MACROD2: variants seen among roughly 807,000 people sequenced by gnomAD.
MACROD2 encodes mono-ADP ribosylhydrolase 2.
MACROD2 carries 36 observed loss-of-function variants against 70.4 expected under a neutral mutation model. The ratio of observed to expected loss-of-function variants is 0.51; its 90% confidence interval spans 0.39 to 0.68. The LOEUF (loss-of-function observed/expected upper bound fraction) is 0.68, where lower values mean the gene tolerates loss of function less well. Ranked by LOEUF, MACROD2 falls within the 30% of genes least tolerant of loss-of-function variation. The pLI is 0.00. For missense variants in MACROD2, 496 were observed against 538.4 expected (o/e 0.92, Z 0.78); for synonymous variants, 172 against 178.8 (o/e 0.96, Z 0.30).
intron 5 of MACROD2, among the ~76,000 whole-genome samples, chr20:15,122,824 A>G (rs909530665): frequency 6.6e-6 from 1 of 152,172 alleles, no homozygotes; most frequent in Non-Finnish European, 1.5e-5. Context: ...TCTGAACTGC[A>G]AAGACACACT....
intron 4 of MACROD2, among the ~76,000 whole-genome samples, chr20:14,650,037 G>A (rs777488853): frequency 1.3e-4 from 20 of 152,164 alleles, no homozygotes; most frequent in Non-Finnish European, 2.5e-4. Context: ...TATTCAGAAT[G>A]GGAGCAGGAG....
chr20:14,118,382 G>T (rs746790797), intron 3 of MACROD2, among the ~76,000 whole-genome samples: 25 of 152,168 alleles, frequency 1.6e-4, no homozygotes, highest in Non-Finnish European at 2.6e-4. Context: ...TCTGCCACTG[G>T]CATTCTTTTG....
intron 4 of MACROD2, among the ~76,000 whole-genome samples, chr20:14,501,206 G>A (rs1239070280): frequency 1.3e-5 from 2 of 151,846 alleles, no homozygotes; most frequent in African/African-American, 2.4e-5. Flanking sequence ...CTTTAAATGG[G>A]CAATAAAGAG....
At chr20:14,639,394 T>TA (rs1397524973) in intron 4 of MACROD2, among the ~76,000 whole-genome samples, 2 of 40,340 alleles carry the variant, frequency 5.0e-5, no homozygotes, top group African/African-American at 6.8e-4. Context: ...TGTTTTGAAA[T>TA]GTTATTATTA....
rs8118172 is a variant in MACROD2 at position 14,849,830 on chromosome 20, C to A, written c.418+164871C>A. ...AACTCTCACATCTAAAGAGCAAGAG[C>A]AGACTGTAGCAGATAAATGTCCCAA... On this transcript the variant is annotated intron_variant, in intron 5 of 17. Transcript: ENST00000684519. 8.6e-3 allele frequency: 3,205 copies of A among 370,882 alleles called. 86 individuals are homozygous for A. The highest frequency in any genetic ancestry group is 0.06 in the African/African-American group (2,859 of 47,480). The allele number at this position is 370,882 out of a possible 1,614,324, so 23.0% of individuals were successfully genotyped here.
intron 4 of MACROD2, among the ~76,000 whole-genome samples, chr20:14,659,529 A>G (rs1386247851): frequency 6.6e-6 from 1 of 152,110 alleles, no homozygotes; most frequent in Non-Finnish European, 1.5e-5. Flanking sequence ...TTAGTACAAG[A>G]GGTGCTGGCT....
rs145072559 is a variant in MACROD2, at chr20:15,937,200, A to G, written c.839-276A>G. The stretch of plus-strand genomic sequence containing the variant: ...TCCTTTGAGGGATGAGGAAGAAACA[A>G]AATGCCAAAGGATACTACTAGCAAC... On this transcript the variant is annotated intron_variant, in intron 11 of 17. Transcript: ENST00000684519. Among the ~76,000 whole-genome samples, 563 of 152,342 alleles carry G rather than the reference A, an allele frequency of 3.7e-3. 2 individuals carry two copies. Among genetic ancestry groups the G allele is most frequent in the African/African-American group, 0.013 (540 of 41,582 alleles).
intron 5 of MACROD2, among the ~76,000 whole-genome samples, chr20:14,917,437 A>T (rs1195540879): frequency 6.6e-6 from 1 of 152,062 alleles, no homozygotes; most frequent in Non-Finnish European, 1.5e-5. Flanking sequence ...CTTGGTGGGC[A>T]TCCCCTATGA....
At chr20:15,776,171 T>C (rs189589447) in intron 8 of MACROD2, among the ~76,000 whole-genome samples, 3 of 152,300 alleles carry the variant, frequency 2.0e-5, no homozygotes, top group South Asian at 2.1e-4. Context: ...TGCCCAAGAA[T>C]TGAATAGCAG....
intron 3 of MACROD2, among the ~76,000 whole-genome samples, chr20:14,296,125 C>A (rs913806392): frequency 6.6e-6 from 1 of 151,782 alleles, no homozygotes; most frequent in African/African-American, 2.4e-5. Flanking sequence ...GTTTCAGTTG[C>A]AGAACTATTT....
intron 6 of MACROD2, among the ~76,000 whole-genome samples, chr20:15,295,528 T>C (rs928257077): frequency 2.6e-5 from 4 of 151,794 alleles, no homozygotes; most frequent in Admixed American, 2.6e-4. Context: ...GAAATAGCGA[T>C]GATAGAATGC....
At chr20:15,146,017 T>C (rs1416706828) in intron 5 of MACROD2, among the ~76,000 whole-genome samples, 1 of 152,150 alleles carries the variant, frequency 6.6e-6, no homozygotes, top group Non-Finnish European at 1.5e-5. Context: ...GTACAGATAA[T>C]ATAATTTATG....
At chr20:14,063,579 A>G (rs2053716790) in intron 2 of MACROD2, among the ~76,000 whole-genome samples, 1 of 152,178 alleles carries the variant, frequency 6.6e-6, no homozygotes, top group Non-Finnish European at 1.5e-5. Flanking sequence ...CTTAACATAA[A>G]CTTTGTTTAG....
intron 5 of MACROD2, among the ~76,000 whole-genome samples, chr20:14,819,842 AG>A (rs2072820367): frequency 6.6e-6 from 1 of 151,958 alleles, no homozygotes; most frequent in South Asian, 2.1e-4. Flanking sequence ...TGAGTTCAGG[AG>A]GGAGAGTGGA....
At chr20:15,149,103 G>A (rs1390628299) in intron 5 of MACROD2, among the ~76,000 whole-genome samples, 2 of 152,020 alleles carry the variant, frequency 1.3e-5, no homozygotes, top group Non-Finnish European at 2.9e-5. Context: ...TATTTGACTT[G>A]GGGCATGTTG....
intron 5 of MACROD2, among the ~76,000 whole-genome samples, chr20:14,983,659 C>T (rs2074822421): frequency 6.6e-6 from 1 of 152,116 alleles, no homozygotes; most frequent in African/African-American, 2.4e-5. Context: ...TGTGAGGCCT[C>T]CCCACCAACA....
intron 5 of MACROD2, among the ~76,000 whole-genome samples, chr20:14,939,203 C>G (rs540050291): frequency 3.4e-4 from 51 of 152,018 alleles, no homozygotes; most frequent in South Asian, 3.1e-3. Flanking sequence ...CCAAAGTTTT[C>G]TTCTAGTACT....
intron 7 of MACROD2, among the ~76,000 whole-genome samples, chr20:15,470,888 A>C: frequency 6.6e-6 from 1 of 151,356 alleles, no homozygotes. Flanking sequence ...GTCCTCCCTC[A>C]CTTCCTTCTT....
At chr20:14,849,322 G>A (rs1457496473) in intron 5 of MACROD2, among the ~76,000 whole-genome samples, 2 of 152,088 alleles carry the variant, frequency 1.3e-5, no homozygotes, top group Admixed American at 1.3e-4. Flanking sequence ...CTCACCTCAT[G>A]ATTGCTTTAT....
Sources: gnomAD v4.1 joint callset for allele counts (sites outside exome capture counted in the v4.1 genomes callset) on GRCh38, gnomAD v4.1.1 for gene constraint, MANE v1.5 for transcripts, NCBI Gene and HGNC (gene_info 2026-07-23, HGNC 2026-07-21) for gene names.